The following CCT4 variants were observed in gnomAD, a reference collection of about 807,000 sequenced individuals.
CCT4 encodes the protein T-complex protein 1 subunit delta.
Under a neutral mutation model 62.5 loss-of-function variants are expected in CCT4, and 17 were observed. That is an observed-to-expected ratio of 0.27 (90% CI 0.19 to 0.41). The LOEUF is 0.41. CCT4 is among the 10% of genes least tolerant of loss of function. CCT4 has a pLI of 1.00. For missense variants in CCT4, 592 were observed against 659.2 expected (o/e 0.90, Z 1.12); for synonymous variants, 250 against 229.9 (o/e 1.09, Z -0.79).
chr2:61,878,773 C>T (rs1669051290), intron 5 of CCT4, 96 bp downstream of exon 5: 2 of 792,262 alleles, frequency 2.5e-6, no homozygotes, highest in Non-Finnish European at 2.0e-6. Flanking sequence ...CCTAGCCACT[C>T]TTGAGATTTA....
At chr2:61,880,645 T>C (rs1159138869) in intron 3 of CCT4, among the ~76,000 whole-genome samples, 1 of 152,132 alleles carries the variant, frequency 6.6e-6, no homozygotes, top group Non-Finnish European at 1.5e-5. Flanking sequence ...AGCAAAAATA[T>C]ATCGTAAGTA....
intron 1 of CCT4, among the ~76,000 whole-genome samples, chr2:61,886,653 T>C (rs1359460366): frequency 6.6e-6 from 1 of 152,208 alleles, no homozygotes; most frequent in South Asian, 2.1e-4. Flanking sequence ...CACACCCTCC[T>C]CTGTTGTTTC....
In CCT4 at chr2:61,868,298, A is replaced by G. The variant is rs1410551994; in HGVS notation, c.*394T>C. ...CTCCCAAGCCAAAGTAGGTTCAGAGAGGTGCCACTTGGATCATTAACTTTT... is the reference window on the plus strand; with the variant it reads ...CTCCCAAGCCAAAGTAGGTTCAGAGGGGTGCCACTTGGATCATTAACTTTT... On this transcript the variant is annotated 3_prime_UTR_variant, in exon 14 of 14. Coordinates refer to ENST00000394440, the MANE Select transcript of CCT4 (RefSeq NM_006430.4). 1 of 165,580 alleles carries G rather than the reference A, an allele frequency of 6.0e-6. No individual in the cohort carries two copies. Among genetic ancestry groups the G allele is most frequent in the Non-Finnish European group, 1.3e-5 (1 of 76,730 alleles). The allele number at this position is 165,580 out of a possible 1,614,324, so 10.3% of individuals were successfully genotyped here.
chr2:61,873,319 T>C lies in CCT4; in HGVS notation c.918-26A>G, dbSNP rs753065186. 21 of 1,301,462 alleles carry C rather than the reference T, an allele frequency of 1.6e-5. No individual in the cohort carries two copies. The East Asian group carries it at 2.8e-4, about 17-fold the overall frequency. 80.6% of individuals were successfully genotyped at this position (1,301,462 alleles called of 1,614,324 possible). On this transcript the variant is annotated intron_variant, in intron 8 of 13. Coordinates refer to ENST00000394440, the MANE Select transcript of CCT4 (RefSeq NM_006430.4). ...CTAAAATACAAAATCAGTGATTATG[T>C]CAATGCTAGATTAAAAAAATTTTGC...
intron 13 of CCT4, 40 bp from the exon 14 acceptor site, chr2:61,868,746 C>T (rs1233327283): frequency 4.8e-6 from 7 of 1,463,872 alleles, no homozygotes; most frequent in Non-Finnish European, 6.7e-6. Flanking sequence ...CCTGTAATGA[C>T]AGAATTTTAA....
chr2:61,876,990 G>C lies in CCT4; in HGVS notation c.707C>G (p.Ser236Cys), dbSNP rs1466295561. The C allele has an allele frequency of 9.3e-6, 15 of 1,613,744 alleles. No homozygotes were observed. The highest frequency in any genetic ancestry group is 1.3e-5 in the Non-Finnish European group (15 of 1,179,670). ...GGCCTTTTCAACTCTGGTTATGCCA[G>C]AATTTGACACTTTTTGGGTGAGAAC... The part of the protein sequence containing the change: ...GLVLTQKVSN[S>C]GITRVEKAKI... Residue 236 changes from serine to cysteine, a missense_variant, in exon 7 of 14, where the codon TCT becomes TGT. Physicochemically the swap from Ser to Cys is moderately radical, Grantham distance 112. This residue lies in a region of CCT4 where 522 missense variants were observed against 571.2 expected (regional missense o/e 0.91). Transcript: ENST00000394440.
intron 1 of CCT4, among the ~76,000 whole-genome samples, chr2:61,885,353 A>C (rs1054996349): frequency 6.6e-6 from 1 of 152,162 alleles, no homozygotes; most frequent in African/African-American, 2.4e-5. Context: ...TCTATTGGCA[A>C]CAATTATTTT....
chr2:61,886,728 C>G (rs1669259426), intron 1 of CCT4, among the ~76,000 whole-genome samples: 1 of 151,916 alleles, frequency 6.6e-6, no homozygotes, highest in Admixed American at 6.6e-5. Context: ...TGTTGAATAT[C>G]AACCATATTA....
chr2:61,877,626 G>T, intron 5 of CCT4, 112 bp from the exon 6 acceptor site: 1 of 730,970 alleles, frequency 1.4e-6, no homozygotes, highest in Non-Finnish European at 2.1e-6. Flanking sequence ...GTGGGGTGTG[G>T]GTATGAAGAG....
At chr2:61,869,864 T>C (rs112748987) in intron 12 of CCT4, among the ~76,000 whole-genome samples, 1,981 of 150,002 alleles carry the variant, frequency 0.013, 38 homozygotes, top group African/African-American at 0.044. Flanking sequence ...CATCTCCTGA[T>C]CTCATGATCT....
At chr2:61,888,321 C>A (rs973157873) in intron 1 of CCT4, 60 bp downstream of exon 1, 53 of 1,569,098 alleles carry the variant, frequency 3.4e-5, no homozygotes, top group Non-Finnish European at 3.6e-5. Flanking sequence ...CGCTCAAGCC[C>A]ACGATGAGAG....
chr2:61,885,747 T>G (rs1391201820), intron 1 of CCT4: 1 of 118,194 alleles, frequency 8.5e-6, no homozygotes, highest in Non-Finnish European at 2.2e-5. Flanking sequence ...GAATACATTT[T>G]GAGGATTCAT....
At chr2:61,872,743 C>CAGTGAA (rs1255855788) in intron 10 of CCT4, among the ~76,000 whole-genome samples, 155 bp from the exon 11 acceptor site, 1 of 152,134 alleles carries the variant, frequency 6.6e-6, no homozygotes, top group Non-Finnish European at 1.5e-5. Context: ...CTGACTAACA[C>CAGTGAA]AGTGAAACCC....
rs367852061 is a variant in CCT4, at chr2:61,873,108, A to T, written c.1019T>A (p.Ile340Asn). ...AATATGAGCAACTGGCTTGGTTCCA[A>T]TTGTCTGGAAAAAACAGTCAAATCC... ...REDIEFICKT[I>N]GTKPVAHIDQ... The change falls in exon 10 of 14, where the codon ATT becomes AAT. Residue 340 changes from isoleucine to asparagine, a missense_variant. Physicochemically the swap from Ile to Asn is moderately radical, Grantham distance 149. Around this residue, in one of 3 missense-constraint regions of CCT4, gnomAD observed 522 missense variants for 571.2 expected, o/e 0.91. Transcript: ENST00000394440. The T allele has an allele frequency of 6.3e-7, 1 of 1,599,342 alleles. No individual in the cohort carries two copies. Among genetic ancestry groups the T allele is most frequent in the African/African-American group, 1.3e-5 (1 of 74,736 alleles).
At chr2:61,871,157 G>A (rs1326381541) in intron 12 of CCT4, among the ~76,000 whole-genome samples, 1 of 150,136 alleles carries the variant, frequency 6.7e-6, no homozygotes, top group East Asian at 2.0e-4. Flanking sequence ...TCAGCCTCCC[G>A]TGTAGCTGGG....
intron 4 of CCT4, among the ~76,000 whole-genome samples, chr2:61,879,256 C>CTTTTTTTTTTTTTT (rs35373962): frequency 9.9e-6 from 1 of 101,078 alleles, no homozygotes; most frequent in Non-Finnish European, 1.8e-5. Context: ...AAATTTTATA[C>CTTTTTTTTTTTTTT]TTTTTTTTTT....
At chr2:61,873,319 TCAATGCTAGATTAAAAAA>T in intron 8 of CCT4, 26 bp from the exon 9 acceptor site, 3 of 1,301,446 alleles carry the variant, frequency 2.3e-6, no homozygotes, top group Non-Finnish European at 3.3e-6. Flanking sequence ...AGTGATTATG[TCAATGCTAGATTAAAAAA>T]ATTTTGCTCT....
chr2:61,887,647 C>T (rs576665983), intron 1 of CCT4, among the ~76,000 whole-genome samples: 23 of 152,296 alleles, frequency 1.5e-4, no homozygotes, highest in African/African-American at 5.3e-4. Context: ...CAAACATTTT[C>T]CTCCAATTTT....
Position 61,880,296 on chromosome 2 carries a change from A to C in CCT4, c.369T>G (p.Leu123=), listed in dbSNP as rs761630010. The change falls in exon 4 of 14, where the codon CTT becomes CTG. Residue 123 remains leucine (L), a synonymous_variant. Coordinates refer to ENST00000394440, the MANE Select transcript of CCT4 (RefSeq NM_006430.4). ...GTACATCCTACCCACCTTTCTGAAG[A>C]AGCTTGGTACAAGAATCTAAGAGGG... ...AGSLLDSCTK[L]LQKGIHPTII... The C allele has an allele frequency of 1.5e-5, 23 of 1,558,040 alleles. No individual in the cohort carries two copies. The highest frequency in any genetic ancestry group is 2.3e-5 in the East Asian group (1 of 43,728).
Sources: allele counts gnomAD v4.1 joint callset (sites outside exome capture counted in the v4.1 genomes callset), GRCh38; gene constraint gnomAD v4.1.1; regional missense constraint gnomAD v4.1.1; transcripts MANE v1.5; gene names NCBI Gene and HGNC (gene_info 2026-07-23, HGNC 2026-07-21).